Variants in ROBO2 observed in about 807,000 individuals in gnomAD.
ROBO2 encodes the protein roundabout homolog 2.
In ROBO2, 53 loss-of-function variants were observed where a neutral mutation model predicts 160.8. The observed-to-expected ratio is 0.33, with a 90% CI of 0.26 to 0.41. The LOEUF (loss-of-function observed/expected upper bound fraction) is 0.41, where lower values mean the gene tolerates loss of function less well. ROBO2 is among the 10% of genes least tolerant of loss of function. ROBO2 has a pLI of 1.00. For synonymous variants in ROBO2, 664 were observed against 611.7 expected (o/e 1.09, Z -1.26); for missense variants, 1,577 against 1,722.4 (o/e 0.92, Z 1.49).
chr3:76,271,728 T>C (rs1707442980), intron 2 of ROBO2, among the ~76,000 whole-genome samples: 1 of 151,904 alleles, frequency 6.6e-6, no homozygotes. Flanking sequence ...TCTTTTTCTC[T>C]TTGTTTCTCT....
At chr3:77,076,451 G>A (rs914698450) in intron 1 of ROBO2, among the ~76,000 whole-genome samples, 1 of 151,930 alleles carries the variant, frequency 6.6e-6, no homozygotes, top group African/African-American at 2.4e-5. Context: ...CTTAAAGTTT[G>A]TGTTTTTAAG....
intron 2 of ROBO2, among the ~76,000 whole-genome samples, chr3:77,329,271 T>C (rs2065752000): frequency 6.6e-6 from 1 of 152,236 alleles, no homozygotes; most frequent in Non-Finnish European, 1.5e-5. Context: ...TAAGATCTTC[T>C]AGACGGATAC....
At chr3:75,941,962 G>T (rs576759279) in intron 2 of ROBO2, among the ~76,000 whole-genome samples, 1 of 152,154 alleles carries the variant, frequency 6.6e-6, no homozygotes, top group Non-Finnish European at 1.5e-5. Flanking sequence ...TAGATAAACA[G>T]CCCTCTCTCT....
chr3:77,175,260 C>A (rs1282110152), intron 2 of ROBO2, among the ~76,000 whole-genome samples: 1 of 152,056 alleles, frequency 6.6e-6, no homozygotes, highest in Non-Finnish European at 1.5e-5. Flanking sequence ...CCACATAGTA[C>A]TTGCATATAT....
At chr3:77,418,591 A>C (rs557765831) in intron 2 of ROBO2, among the ~76,000 whole-genome samples, 17 of 152,242 alleles carry the variant, frequency 1.1e-4, no homozygotes, top group African/African-American at 3.8e-4. Flanking sequence ...AAGAGCCACA[A>C]AGAAAAGTAT....
chr3:76,317,435 C>A (rs2072126316), intron 2 of ROBO2, among the ~76,000 whole-genome samples: 1 of 152,006 alleles, frequency 6.6e-6, no homozygotes, highest in East Asian at 1.9e-4. Context: ...CTCTGTCAGA[C>A]TCATGTAGGA....
intron 2 of ROBO2, among the ~76,000 whole-genome samples, chr3:76,584,138 A>G (rs991551904): frequency 2.6e-5 from 4 of 152,090 alleles, no homozygotes; most frequent in African/African-American, 9.6e-5. Flanking sequence ...ACTGCCTGTC[A>G]CTCCCAGAAA....
In ROBO2 at chr3:76,388,138, G is replaced by A. The variant is rs1306824717; in HGVS notation, c.109+450536G>A. Among the ~76,000 whole-genome samples the A allele has an allele frequency of 2.0e-5, 3 of 152,108 alleles. No homozygotes were observed. In the East Asian group the frequency reaches 5.8e-4, roughly 29 times the overall value. ...CCAACCTGCAACTTGTCCCTTTGTA[G>A]ATCTCATTTCTCTTGTGTTATAATT... On this transcript the variant is annotated intron_variant, in intron 2 of 26. Transcript: ENST00000487694.
intron 2 of ROBO2, among the ~76,000 whole-genome samples, chr3:76,935,661 T>A (rs2077651043): frequency 6.6e-6 from 1 of 152,144 alleles, no homozygotes; most frequent in South Asian, 2.1e-4. Context: ...GGGTGTCTGC[T>A]GACTACCACT....
At chr3:76,573,626 G>T (rs1197325099) in intron 2 of ROBO2, among the ~76,000 whole-genome samples, 1 of 151,212 alleles carries the variant, frequency 6.6e-6, no homozygotes, top group Admixed American at 6.6e-5. Context: ...ATATTTGGCA[G>T]CCTATTACTT....
Position 77,596,519 on chromosome 3 carries a change from T to A in ROBO2, c.2727-104T>A, listed in dbSNP as rs1278383767. The A allele has an allele frequency of 5.1e-6, 7 of 1,377,920 alleles. No individual in the cohort carries two copies. The Admixed American group carries it at 6.7e-5, about 13-fold the overall frequency. The allele number at this position is 1,377,920 out of a possible 1,614,324, so 85.4% of individuals were successfully genotyped here. On this transcript the variant is annotated intron_variant, in intron 18 of 25. Transcript: ENST00000461745. ...GGAGTCTACTTATATTAATTTGAAG[T>A]CAATGAAAATCTTCCATTTCTTAAC...
At position 77,236,718 on chromosome 3, in the gene ROBO2, C is replaced by T. The variant is rs146875867; in HGVS notation, c.388+138378C>T. 9.6e-3 allele frequency among the ~76,000 whole-genome samples: 1,463 copies of T among 152,278 alleles called. 10 individuals are homozygous for T. The highest frequency in any genetic ancestry group is 0.013 in the Non-Finnish European group (852 of 68,024). On this transcript the variant is annotated intron_variant, in intron 2 of 25. Transcript: ENST00000461745. ...TATCCATCCTTTCCACTAACCCTTG[C>T]CCCCTGAAAACCACTGATCTTTTTT... is the stretch of plus-strand genomic sequence containing the variant.
At chr3:77,624,330 TGA>T (rs879601452) in intron 23 of ROBO2, among the ~76,000 whole-genome samples, 4 of 152,016 alleles carry the variant, frequency 2.6e-5, no homozygotes, top group Admixed American at 2.0e-4. Context: ...AGTGTGTGTG[TGA>T]GAGAGTATGT....
intron 2 of ROBO2, among the ~76,000 whole-genome samples, chr3:76,663,389 C>T (rs2091903462): frequency 6.6e-6 from 1 of 152,166 alleles, no homozygotes; most frequent in Non-Finnish European, 1.5e-5. Context: ...TTTTGCCGTC[C>T]TTACTGAAGG....
chr3:76,903,185 T>G (rs1362018573), intron 2 of ROBO2, among the ~76,000 whole-genome samples: 1 of 152,134 alleles, frequency 6.6e-6, no homozygotes, highest in Non-Finnish European at 1.5e-5. Context: ...CCCTAAGTGG[T>G]TTTATCATTT....
intron 2 of ROBO2, among the ~76,000 whole-genome samples, chr3:77,103,134 G>T (rs1389371435): frequency 6.6e-6 from 1 of 152,172 alleles, no homozygotes. Flanking sequence ...GTAGCTGCCT[G>T]TGATGCAGCT....
At chr3:76,622,201 A>T (rs201208678) in intron 2 of ROBO2, among the ~76,000 whole-genome samples, 39,820 of 84,522 alleles carry the variant, frequency 0.47, 9,690 homozygotes, top group South Asian at 0.63. Flanking sequence ...AAAGGAAGGA[A>T]GGAAGGAAGG....
chr3:77,549,156 A>T (rs921451700), intron 7 of ROBO2, among the ~76,000 whole-genome samples: 1 of 151,944 alleles, frequency 6.6e-6, no homozygotes, highest in Non-Finnish European at 1.5e-5. Flanking sequence ...GAGAAGAAAA[A>T]TGATGGGTTA....
chr3:77,200,540 G>A (rs1315949823), intron 2 of ROBO2, among the ~76,000 whole-genome samples: 1 of 151,632 alleles, frequency 6.6e-6, no homozygotes, highest in Non-Finnish European at 1.5e-5. Context: ...TGTGTTATGT[G>A]CAGGCTGAGG....
Sources: allele counts gnomAD v4.1 joint callset (sites outside exome capture counted in the v4.1 genomes callset), GRCh38; gene constraint gnomAD v4.1.1; transcripts MANE v1.5; gene names NCBI Gene and HGNC (gene_info 2026-07-23, HGNC 2026-07-21).